The following SLC17A5 variants were observed in gnomAD, a reference collection of about 807,000 sequenced individuals.
SLC17A5 encodes the protein solute carrier family 17 member 5, also known as sialin.
A neutral mutation model predicts 59.4 loss-of-function variants in SLC17A5; 47 were observed. The observed-to-expected ratio is 0.79, with a 90% CI of 0.63 to 1.01. The LOEUF (loss-of-function observed/expected upper bound fraction) is 1.01, where lower values mean the gene tolerates loss of function less well. Ranked by LOEUF, SLC17A5 falls within the 50% of genes least tolerant of loss-of-function variation. SLC17A5 has a pLI of 0.00. For synonymous variants in SLC17A5, 202 were observed against 210.7 expected (o/e 0.96, Z 0.36); for missense variants, 522 against 595.5 (o/e 0.88, Z 1.28).
chr6:73,632,364 CT>C (rs954029260), intron 6 of SLC17A5, among the ~76,000 whole-genome samples: 1 of 146,122 alleles, frequency 6.8e-6, no homozygotes, highest in Non-Finnish European at 1.5e-5. Context: ...CTGAATATTC[CT>C]TTTTCCGAAG....
At chr6:73,621,485 T>G (rs1768152583) in intron 7 of SLC17A5, among the ~76,000 whole-genome samples, 1 of 152,222 alleles carries the variant, frequency 6.6e-6, no homozygotes, top group Non-Finnish European at 1.5e-5. Context: ...CTGTGTATCT[T>G]TGGAGAAATG....
intron 6 of SLC17A5, among the ~76,000 whole-genome samples, chr6:73,624,884 T>A (rs1207728208): frequency 6.6e-6 from 1 of 151,158 alleles, no homozygotes; most frequent in African/African-American, 2.4e-5. Context: ...AAGAAAACAA[T>A]ATATATATAT....
At chr6:73,646,228 G>A (rs977399629) in intron 1 of SLC17A5, among the ~76,000 whole-genome samples, 3 of 152,128 alleles carry the variant, frequency 2.0e-5, no homozygotes, top group South Asian at 4.1e-4. Flanking sequence ...AGCATCAAAG[G>A]AGAGAATATA....
chr6:73,637,141 G>A (rs1246975482), intron 4 of SLC17A5, among the ~76,000 whole-genome samples: 4 of 151,980 alleles, frequency 2.6e-5, no homozygotes, highest in African/African-American at 9.7e-5. Context: ...AGATATAGAG[G>A]TAGTATAACA....
chr6:73,644,462 G>T lies in SLC17A5; in HGVS notation c.236C>A (p.Thr79Asn). ...AGAATGCTCTGGACACGCCTTGGAA[G>T]TTCTATTATCTTCTAAAGTTGTATT... The part of the protein sequence containing the change: ...DSNTTLEDNR[T>N]SKACPEHSAP... The change falls in exon 2 of 11, where the codon ACT (threonine) becomes AAT (asparagine). Residue 79 changes from threonine (T) to asparagine (N), a missense_variant. Transcript: ENST00000355773. 6.2e-7 allele frequency: 1 copy of T among 1,613,988 alleles called. No homozygotes were observed. The highest frequency in any genetic ancestry group is 8.5e-7 in the Non-Finnish European group (1 of 1,179,956).
chr6:73,646,346 C>G (rs913180694), intron 1 of SLC17A5, among the ~76,000 whole-genome samples: 4 of 152,132 alleles, frequency 2.6e-5, no homozygotes, highest in African/African-American at 9.7e-5. Flanking sequence ...ATATTATGAT[C>G]CAACTCACTT....
chr6:73,653,433 C>T lies in SLC17A5; in HGVS notation c.94+360G>A, dbSNP rs541977118. On this transcript the variant is annotated intron_variant, in intron 1 of 10. Coordinates refer to ENST00000355773, the MANE Select transcript of SLC17A5 (RefSeq NM_012434.5). ...GATGATTCTCTCCCAGTTCGTTCTT[C>T]CACTGGGTCCCTTGCTCAGCACTAC... 4.1e-6 allele frequency: 4 copies of T among 985,434 alleles called. No individual in the cohort carries two copies. In the East Asian group the frequency reaches 4.5e-4, roughly 112 times the overall value. 61.0% of individuals were successfully genotyped at this position (985,434 alleles called of 1,614,324 possible).
chr6:73,644,616 T>A lies in SLC17A5; in HGVS notation c.95-13A>T. On this transcript the variant is annotated splice_polypyrimidine_tract_variant and intron_variant, in intron 1 of 10. Coordinates refer to ENST00000355773, the MANE Select transcript of SLC17A5 (RefSeq NM_012434.5). ...CAGCACACTGGAGCTGAAATAAAGA[T>A]TGGGGAAAATTTTTATTTATTTTTA... is the stretch of plus-strand genomic sequence containing the variant. 1.2e-6 allele frequency: 2 copies of A among 1,608,594 alleles called. No homozygotes were observed. Among genetic ancestry groups the A allele is most frequent in the Non-Finnish European group, 1.7e-6 (2 of 1,176,656 alleles).
In SLC17A5 at chr6:73,621,852, T is replaced by G. The variant is rs772705757; in HGVS notation, c.930A>C (p.Thr310=). ...SYNWTFYTLL[T]LLPTYMKEIL... ...TCTCCTTCATATAAGTAGGCAATAATGTCAATAAAGTATAAAAAGTCCAGT... is the reference window on the plus strand; with the variant it reads ...TCTCCTTCATATAAGTAGGCAATAAGGTCAATAAAGTATAAAAAGTCCAGT... Residue 310 remains threonine, a synonymous_variant, in exon 7 of 11, where the codon ACA becomes ACC. Transcript: ENST00000355773. 2 of 1,613,228 alleles carry G rather than the reference T, an allele frequency of 1.2e-6. No homozygotes were observed. Among genetic ancestry groups the G allele is most frequent in the Non-Finnish European group, 1.7e-6 (2 of 1,179,246 alleles).
In SLC17A5 at chr6:73,593,745, A is replaced by G. The variant is rs886061728; in HGVS notation, c.*1332T>C. Reference sequence around the variant, plus strand: ...ACTGAACAAACAGTGAGAATTAATTAAAAAAAAAATTCTCGTGTAGCTTAA... The same window carrying G: ...ACTGAACAAACAGTGAGAATTAATTGAAAAAAAAATTCTCGTGTAGCTTAA... On this transcript the variant is annotated 3_prime_UTR_variant, in exon 11 of 11. Transcript: ENST00000355773. 1.3e-5 allele frequency: 2 copies of G among 150,950 alleles called. No individual in the cohort carries two copies. 9.4% of individuals were successfully genotyped at this position (150,950 alleles called of 1,614,324 possible).
At chr6:73,631,149 A>C (rs1284674322) in intron 6 of SLC17A5, among the ~76,000 whole-genome samples, 1 of 151,548 alleles carries the variant, frequency 6.6e-6, no homozygotes, top group Non-Finnish European at 1.5e-5. Flanking sequence ...TTGAACCGAA[A>C]CCAGGCCACT....
At chr6:73,642,633 T>C (rs778264485) in intron 2 of SLC17A5, among the ~76,000 whole-genome samples, 38 of 152,334 alleles carry the variant, frequency 2.5e-4, no homozygotes, top group Non-Finnish European at 4.6e-4. Context: ...ACCTGTGTTT[T>C]CATTAGTAAC....
chr6:73,636,586 G>T lies in SLC17A5; in HGVS notation c.700+35C>A, dbSNP rs528713087. ...GCTACTATTATTACATTTTGAATTT[G>T]TTACATTATAATTTAGTTAAAATTT... On this transcript the variant is annotated intron_variant, in intron 5 of 10. Coordinates refer to ENST00000355773, the MANE Select transcript of SLC17A5 (RefSeq NM_012434.5). 8 of 1,171,466 alleles carry T rather than the reference G, an allele frequency of 6.8e-6. No individual in the cohort carries two copies. In the African/African-American group the frequency reaches 1.1e-4, roughly 16 times the overall value. 72.6% of individuals were successfully genotyped at this position (1,171,466 alleles called of 1,614,324 possible).
intron 1 of SLC17A5, chr6:73,653,174 TA>T (rs1243187090): frequency 5.1e-6 from 5 of 985,308 alleles, no homozygotes; most frequent in East Asian, 2.3e-4. Context: ...AATGTCAAGA[TA>T]TCAGCTGGGT....
At position 73,593,889 on chromosome 6, in the gene SLC17A5, A is replaced by AC. The variant is rs1766679432; in HGVS notation, c.*1187dup. The AC allele has an allele frequency of 6.6e-6, 1 of 152,074 alleles. No homozygotes were observed. The allele number at this position is 152,074 out of a possible 1,614,324, so 9.4% of individuals were successfully genotyped here. Reference sequence around the variant, plus strand: ...AAACCAGCCTGGGCGACAAAACGAGACCCCATCTCTACAAAATACAAACGA... The same window carrying AC: ...AAACCAGCCTGGGCGACAAAACGAGACCCCCATCTCTACAAAATACAAACGA... On this transcript the variant is annotated 3_prime_UTR_variant, in exon 11 of 11. Coordinates refer to ENST00000355773, the MANE Select transcript of SLC17A5 (RefSeq NM_012434.5).
intron 7 of SLC17A5, among the ~76,000 whole-genome samples, chr6:73,618,903 T>C (rs1361850573): frequency 1.3e-5 from 2 of 152,064 alleles, no homozygotes; most frequent in East Asian, 1.9e-4. Context: ...TTCTTTTGTA[T>C]TTTAGTAGAG....
At chr6:73,652,176 G>C (rs1366061310) in intron 1 of SLC17A5, among the ~76,000 whole-genome samples, 1 of 152,148 alleles carries the variant, frequency 6.6e-6, no homozygotes, top group Non-Finnish European at 1.5e-5. Flanking sequence ...GGAAATGGTT[G>C]TAACAAACGT....
At position 73,600,424 on chromosome 6, in the gene SLC17A5, A is replaced by G; in HGVS notation, c.1277T>C (p.Leu426Pro). The change falls in exon 10 of 11, where the codon CTG becomes CCG. Residue 426 changes from leucine to proline, a missense_variant. Coordinates refer to ENST00000355773, the MANE Select transcript of SLC17A5 (RefSeq NM_012434.5). The stretch of plus-strand genomic sequence containing the variant: ...AGTGGCAAATGTATTTGTGATGCCC[A>G]GGAGGATACCAGCATACCTGTAGAA... ...DIAPSYAGILLGITNTFATIP... is the reference protein window; with the variant it reads ...DIAPSYAGILPGITNTFATIP... 1 of 1,613,846 alleles carries G rather than the reference A, an allele frequency of 6.2e-7. No individual in the cohort carries two copies. The highest frequency in any genetic ancestry group is 8.5e-7 in the Non-Finnish European group (1 of 1,179,762).
chr6:73,625,832 G>A (rs1258114671), intron 6 of SLC17A5, among the ~76,000 whole-genome samples: 3 of 152,168 alleles, frequency 2.0e-5, no homozygotes, highest in Non-Finnish European at 2.9e-5. Flanking sequence ...TTGTGGGTGG[G>A]TGGGAGGTAA....
Sources: allele counts gnomAD v4.1 joint callset (sites outside exome capture counted in the v4.1 genomes callset), GRCh38; gene constraint gnomAD v4.1.1; transcripts MANE v1.5; gene names NCBI Gene and HGNC (gene_info 2026-07-23, HGNC 2026-07-21).